Variants in ST3GAL3 observed in about 807,000 individuals in gnomAD.
The protein encoded by ST3GAL3 is CMP-N-acetylneuraminate-beta-1,4-galactoside alpha-2,3-sialyltransferase.
ST3GAL3 carries 21 observed loss-of-function variants against 50.1 expected under a neutral mutation model. The observed-to-expected ratio is 0.42, with a 90% CI of 0.30 to 0.60. The LOEUF (loss-of-function observed/expected upper bound fraction) is 0.60, where lower values mean the gene tolerates loss of function less well. Among genes scored for constraint, ST3GAL3 ranks in the 20% least tolerant of loss-of-function variants. ST3GAL3 has a pLI of 0.19. For missense variants in ST3GAL3, 353 were observed against 489.4 expected, an observed-to-expected ratio of 0.72 and a Z score of 2.63; for synonymous variants, 183 against 190.0, an observed-to-expected ratio of 0.96 and a Z score of 0.30.
intron 3 of ST3GAL3, among the ~76,000 whole-genome samples, chr1:43,805,118 T>C (rs1355269157): frequency 6.6e-6 from 1 of 152,170 alleles, no homozygotes; most frequent in Non-Finnish European, 1.5e-5. Context: ...TAACTGTTTT[T>C]AAAAAGGAAT....
At chr1:43,929,548 G>T (rs968744238) in intron 11 of ST3GAL3, among the ~76,000 whole-genome samples, 1 of 152,124 alleles carries the variant, frequency 6.6e-6, no homozygotes, top group Non-Finnish European at 1.5e-5. Context: ...TGATCCACCC[G>T]CCTCGGCCTC....
At chr1:43,768,276 A>C (rs1572476776) in intron 2 of ST3GAL3, among the ~76,000 whole-genome samples, 2 of 152,174 alleles carry the variant, frequency 1.3e-5, no homozygotes, top group East Asian at 3.9e-4. Context: ...CTCTACAAAA[A>C]AATTTTTTTT....
intron 2 of ST3GAL3, among the ~76,000 whole-genome samples, chr1:43,747,139 G>A (rs1275924704): frequency 6.6e-6 from 1 of 152,286 alleles, no homozygotes. Context: ...GCCGGGCACA[G>A]TGGCTCACGC....
At chr1:43,796,003 C>T (rs983813908) in intron 3 of ST3GAL3, among the ~76,000 whole-genome samples, 4 of 152,272 alleles carry the variant, frequency 2.6e-5, no homozygotes, top group East Asian at 1.9e-4. Context: ...GAAAAGGGCT[C>T]CCAAGGCTCA....
chr1:43,826,395 A>C lies in ST3GAL3; in HGVS notation c.209+11462A>C, dbSNP rs1290297928. Among the ~76,000 whole-genome samples, 4 of 152,360 alleles carry C rather than the reference A, an allele frequency of 2.6e-5. No homozygotes were observed. The South Asian group carries it at 8.3e-4, about 32-fold the overall frequency. ...GACACAAGGAGAAAAAGACCATCTG[A>C]ATAAATCTGTATCTACTAAAGAAAT... On this transcript the variant is annotated intron_variant, in intron 4 of 11. Transcript: ENST00000347631.
At chr1:43,834,746 C>A (rs944568397) in intron 4 of ST3GAL3, among the ~76,000 whole-genome samples, 1 of 152,158 alleles carries the variant, frequency 6.6e-6, no homozygotes, top group East Asian at 1.9e-4. Context: ...GGCAGCCACG[C>A]GTGTCACACA....
At chr1:43,795,701 A>G (rs1352052844) in intron 3 of ST3GAL3, among the ~76,000 whole-genome samples, 1 of 152,210 alleles carries the variant, frequency 6.6e-6, no homozygotes, top group African/African-American at 2.4e-5. Context: ...AAAGTAAGAA[A>G]AAGGTTCCAG....
chr1:43,847,463 G>C (rs1200008197), intron 5 of ST3GAL3, among the ~76,000 whole-genome samples: 1 of 152,170 alleles, frequency 6.6e-6, no homozygotes, highest in Non-Finnish European at 1.5e-5. Context: ...AAAATGGAAG[G>C]AAATTCTGAC....
chr1:43,795,985 T>G (rs1465533461), intron 3 of ST3GAL3, among the ~76,000 whole-genome samples: 1 of 152,138 alleles, frequency 6.6e-6, no homozygotes, highest in East Asian at 1.9e-4. Context: ...GTTAAAGCTC[T>G]GGGGTGGGAA....
At chr1:43,859,571 A>G (rs1294398139) in intron 5 of ST3GAL3, among the ~76,000 whole-genome samples, 1 of 152,192 alleles carries the variant, frequency 6.6e-6, no homozygotes, top group Non-Finnish European at 1.5e-5. Flanking sequence ...AAAAAAAAGA[A>G]AAAAAACCAG....
intron 4 of ST3GAL3, among the ~76,000 whole-genome samples, chr1:43,826,102 CAAAA>C (rs561426369): frequency 7.3e-6 from 1 of 136,062 alleles, no homozygotes; most frequent in South Asian, 2.3e-4. Context: ...CTCGTCTCTT[CAAAA>C]AAAAAAACAA....
chr1:43,840,960 G>A (rs982905886), intron 5 of ST3GAL3: 3 of 152,244 alleles, frequency 2.0e-5, no homozygotes, highest in Non-Finnish European at 4.4e-5. Flanking sequence ...ATAAGAAAGG[G>A]GCTATACGCC....
intron 2 of ST3GAL3, among the ~76,000 whole-genome samples, chr1:43,742,492 C>T (rs1340494948): frequency 6.6e-6 from 1 of 152,168 alleles, no homozygotes; most frequent in Non-Finnish European, 1.5e-5. Flanking sequence ...TACAAATTGA[C>T]ACTCTTCATA....
rs1423407639 is a variant in ST3GAL3 at position 43,858,411 on chromosome 1, T to C, written c.302+20100T>C. On this transcript the variant is annotated intron_variant, in intron 5 of 11. Transcript: ENST00000347631. ...TAGGAGCAGGAACTGTAGGGATGCT[T>C]AGAAGCACAGTCCCTGGTGAGAGCA... The C allele has an allele frequency of 4.9e-6, 5 of 1,029,962 alleles. No individual in the cohort carries two copies. The East Asian group carries it at 1.9e-4, about 38-fold the overall frequency. 63.8% of individuals were successfully genotyped at this position (1,029,962 alleles called of 1,614,324 possible).
At chr1:43,854,403 C>G (rs555433078) in intron 5 of ST3GAL3, among the ~76,000 whole-genome samples, 7 of 152,162 alleles carry the variant, frequency 4.6e-5, no homozygotes, top group African/African-American at 7.2e-5. Context: ...ATCTCTTCCT[C>G]CATTTTGAAA....
chr1:43,805,111 C>T (rs1315295811), intron 3 of ST3GAL3, among the ~76,000 whole-genome samples: 2 of 152,144 alleles, frequency 1.3e-5, no homozygotes, highest in East Asian at 3.9e-4. Context: ...CTGGGGATAA[C>T]TGTTTTTAAA....
At chr1:43,708,691 C>T (rs1430590085) in intron 1 of ST3GAL3, among the ~76,000 whole-genome samples, 2 of 152,148 alleles carry the variant, frequency 1.3e-5, no homozygotes, top group African/African-American at 4.8e-5. Context: ...TACAGCTCCT[C>T]CTATGATTAG....
chr1:43,899,419 G>T lies in ST3GAL3; in HGVS notation c.558-122G>T. ...GGCTTTGGAACAGACAACTAGCGGGGGCACCTGGGGAGAATAGGTCCAGGT... is the reference window on the plus strand; with the variant it reads ...GGCTTTGGAACAGACAACTAGCGGGTGCACCTGGGGAGAATAGGTCCAGGT... On this transcript the variant is annotated intron_variant, in intron 8 of 11. Transcript: ENST00000347631. This position sits in a 1 kb window ranked among gnomAD's most constrained non-coding sequence, Gnocchi z 5.4. 1 of 1,573,516 alleles carries T rather than the reference G, an allele frequency of 6.4e-7. No homozygotes were observed.
Position 43,838,192 on chromosome 1 carries a change from GCTGTAACTTT to G in ST3GAL3, c.210-25_210-16del. 2 of 1,585,906 alleles carry G rather than the reference GCTGTAACTTT, an allele frequency of 1.3e-6. No homozygotes were observed. Among genetic ancestry groups the G allele is most frequent in the Non-Finnish European group, 1.7e-6 (2 of 1,158,332 alleles). On this transcript the variant is annotated splice_polypyrimidine_tract_variant and intron_variant, in intron 4 of 11. Transcript: ENST00000347631. ...CCACTCAGTGCTCAGTGCCTGGCAA[GCTGTAACTTT>G]CCTTCTCTTCCCATAGGCCTGCTGA...
Sources: allele counts gnomAD v4.1 joint callset (sites outside exome capture counted in the v4.1 genomes callset), GRCh38; gene constraint gnomAD v4.1.1; non-coding constraint Gnocchi (gnomAD v3.1); transcripts MANE v1.5; gene names NCBI Gene and HGNC (gene_info 2026-07-23, HGNC 2026-07-21).